Variants in ARPP21 observed in about 807,000 individuals in gnomAD.
ARPP21 encodes the protein cAMP-regulated phosphoprotein 21.
ARPP21 carries 69 observed loss-of-function variants against 113.2 expected under a neutral mutation model. The observed-to-expected ratio is 0.61, with a 90% CI of 0.50 to 0.74. ARPP21 has a LOEUF of 0.74. Among genes scored for constraint, ARPP21 ranks in the 30% least tolerant of loss-of-function variants. The pLI is 0.00. For missense variants in ARPP21, 1,070 were observed against 1,037.4 expected, an observed-to-expected ratio of 1.03 and a Z score of -0.43; for synonymous variants, 368 against 375.5, an observed-to-expected ratio of 0.98 and a Z score of 0.23.
chr3:35,717,511 C>T, intron 13 of ARPP21, 154 bp downstream of exon 13: 2 of 561,860 alleles, frequency 3.6e-6, no homozygotes, highest in Middle Eastern at 4.6e-4. Flanking sequence ...GCGTGGAAGT[C>T]ATATTGGGTA....
intron 19 of ARPP21, among the ~76,000 whole-genome samples, chr3:35,790,241 A>G (rs1231677352): frequency 1.3e-5 from 2 of 152,212 alleles, no homozygotes; most frequent in African/African-American, 4.8e-5. Flanking sequence ...TATTATATTC[A>G]CAATTATATG....
At chr3:35,680,180 G>GT (rs1217721790) in intron 2 of ARPP21, among the ~76,000 whole-genome samples, 2 of 151,896 alleles carry the variant, frequency 1.3e-5, no homozygotes, top group African/African-American at 4.8e-5. Flanking sequence ...TAAAAAACAA[G>GT]TTAGGGCAAC....
chr3:35,754,620 T>G (rs2095511579), intron 19 of ARPP21, among the ~76,000 whole-genome samples: 1 of 152,014 alleles, frequency 6.6e-6, no homozygotes, highest in African/African-American at 2.4e-5. Context: ...AAATTAACAT[T>G]ATTAAGAGAA....
At chr3:35,692,705 G>A (rs1233717496) in intron 9 of ARPP21, among the ~76,000 whole-genome samples, 1 of 151,560 alleles carries the variant, frequency 6.6e-6, no homozygotes, top group Non-Finnish European at 1.5e-5. Flanking sequence ...AAGACTCCTG[G>A]TCATCTTTGA....
intron 9 of ARPP21, among the ~76,000 whole-genome samples, chr3:35,701,714 T>C (rs1037517697): frequency 3.3e-5 from 5 of 151,424 alleles, no homozygotes; most frequent in Non-Finnish European, 7.4e-5. Flanking sequence ...TGGATGTTTA[T>C]ATAGATAGAT....
chr3:35,642,633 T>A (rs1559498054), intron 1 of ARPP21, among the ~76,000 whole-genome samples: 1 of 152,154 alleles, frequency 6.6e-6, no homozygotes, highest in Admixed American at 6.6e-5. Flanking sequence ...TAATACAAGC[T>A]GTCATATTCT....
At chr3:35,682,523 T>C (rs544920406) in intron 3 of ARPP21, 1 of 260,630 alleles carries the variant, frequency 3.8e-6, no homozygotes, top group East Asian at 7.0e-5. Flanking sequence ...TACAGAAGTG[T>C]TAACTCTTTA....
intron 9 of ARPP21, among the ~76,000 whole-genome samples, chr3:35,695,767 C>A (rs748964898): frequency 6.6e-6 from 1 of 151,468 alleles, no homozygotes; most frequent in Non-Finnish European, 1.5e-5. Flanking sequence ...ATAAAAATCT[C>A]TACATTTTTT....
intron 9 of ARPP21, among the ~76,000 whole-genome samples, chr3:35,703,491 T>A (rs1259559780): frequency 6.6e-6 from 1 of 152,108 alleles, no homozygotes; most frequent in African/African-American, 2.4e-5. Context: ...TTCACAGTAG[T>A]TATGTGCTAC....
In ARPP21 at chr3:35,729,491, G is replaced by C; in HGVS notation, c.1414G>C (p.Ala472Pro). The change falls in exon 15 of 21, where the codon GCA becomes CCA. Residue 472 changes from alanine (A) to proline (P), a missense_variant. Ala to Pro is a conservative substitution (Grantham distance 27, BLOSUM62 -1). Coordinates refer to ENST00000684406, the MANE Select transcript of ARPP21 (RefSeq NM_001385562.1). ...TSYILLPLEA[A>P]TGIPPGSILL... ...CTACATCCTCCTTCCACTTGAAGCTGCAACAGGCATCCCGCCTGGAAGCAT... is the reference window on the plus strand; with the variant it reads ...CTACATCCTCCTTCCACTTGAAGCTCCAACAGGCATCCCGCCTGGAAGCAT... The C allele has an allele frequency of 6.2e-7, 1 of 1,614,222 alleles. No individual in the cohort carries two copies. The highest frequency in any genetic ancestry group is 1.1e-5 in the South Asian group (1 of 91,090).
In ARPP21 at chr3:35,662,178, G is replaced by A. The variant is rs559942387; in HGVS notation, c.-212-17609G>A. Among the ~76,000 whole-genome samples the A allele has an allele frequency of 2.0e-5, 3 of 152,216 alleles. No individual in the cohort carries two copies. In the South Asian group the frequency reaches 6.2e-4, roughly 32 times the overall value. On this transcript the variant is annotated intron_variant, in intron 1 of 20. Transcript: ENST00000684406. ...TTTATTTTTAAGCATTAAATATGTG[G>A]TCCCATATAAACCAACTTAGCAGTA...
At position 35,737,361 on chromosome 3, in the gene ARPP21, A is replaced by G; in HGVS notation, c.1643A>G (p.Gln548Arg). Residue 548 changes from glutamine (Q) to arginine (R), a missense_variant and splice_region_variant, in exon 16 of 21, where the codon CAG (glutamine) becomes CGG (arginine). By Grantham distance (43) the Gln-to-Arg change is conservative. Coordinates refer to ENST00000684406, the MANE Select transcript of ARPP21 (RefSeq NM_001385562.1). ...CAGATGGCAGGCCCTCTGGTCACTC[A>G]GGTAGGGGGCTGGTTGGAAGGCAGG... The part of the protein sequence containing the change: ...QPQMAGPLVT[Q>R]SVQGLQASSQ... 1.2e-6 allele frequency: 2 copies of G among 1,604,156 alleles called. No individual in the cohort carries two copies. Among genetic ancestry groups the G allele is most frequent in the Non-Finnish European group, 1.7e-6 (2 of 1,173,454 alleles).
chr3:35,783,875 G>A (rs2096576946), intron 19 of ARPP21, among the ~76,000 whole-genome samples: 1 of 152,000 alleles, frequency 6.6e-6, no homozygotes, highest in South Asian at 2.1e-4. Context: ...CTTTGCACAT[G>A]CTGATCCTTA....
At chr3:35,766,035 T>A (rs2095961107) in intron 19 of ARPP21, among the ~76,000 whole-genome samples, 1 of 152,100 alleles carries the variant, frequency 6.6e-6, no homozygotes, top group Non-Finnish European at 1.5e-5. Context: ...GTACAAGAAA[T>A]GAGCACTGAT....
chr3:35,792,320 C>T lies in ARPP21; in HGVS notation c.2138-62C>T, dbSNP rs1049173417. ...CTGCCTTTTGAACCAGTAGTTTTAC[C>T]CCATGAAACATCACTGTGTTCTTTC... On this transcript the variant is annotated intron_variant, in intron 19 of 20. Coordinates refer to ENST00000684406, the MANE Select transcript of ARPP21 (RefSeq NM_001385562.1). 8 of 1,497,784 alleles carry T rather than the reference C, an allele frequency of 5.3e-6. No individual in the cohort carries two copies. In the African/African-American group the frequency reaches 1.1e-4, roughly 21 times the overall value. The allele number at this position is 1,497,784 out of a possible 1,614,324, so 92.8% of individuals were successfully genotyped here. A position where few individuals can be genotyped will look rare whatever the true frequency, so the allele number is the denominator to read the frequency against.
chr3:35,683,195 T>A (rs2079497134), intron 4 of ARPP21, among the ~76,000 whole-genome samples: 1 of 151,788 alleles, frequency 6.6e-6, no homozygotes, highest in Non-Finnish European at 1.5e-5. Flanking sequence ...TTGTTTTGTG[T>A]TCACACTTAG....
At chr3:35,750,532 G>A (rs78581883) in intron 19 of ARPP21, among the ~76,000 whole-genome samples, 1 of 152,076 alleles carries the variant, frequency 6.6e-6, no homozygotes, top group Non-Finnish European at 1.5e-5. Flanking sequence ...AAAACACTGG[G>A]TATTCTGTGG....
At chr3:35,737,139 T>G in intron 15 of ARPP21, 39 bp from the exon 16 acceptor site, 5 of 1,279,688 alleles carry the variant, frequency 3.9e-6, no homozygotes, top group Non-Finnish European at 4.5e-6. Context: ...AAGGAGAGAT[T>G]GAGAAGCTTA....
At chr3:35,709,636 A>G (rs1334485762) in intron 11 of ARPP21, among the ~76,000 whole-genome samples, 1 of 152,212 alleles carries the variant, frequency 6.6e-6, no homozygotes, top group Admixed American at 6.5e-5. Context: ...CAACAAAAAA[A>G]ATGGTTGGAA....
Sources: gnomAD v4.1 joint callset for allele counts (sites outside exome capture counted in the v4.1 genomes callset) on GRCh38, gnomAD v4.1.1 for gene constraint, MANE v1.5 for transcripts, NCBI Gene and HGNC (gene_info 2026-07-23, HGNC 2026-07-21) for gene names.